ARMC2: variants seen among roughly 807,000 people sequenced by gnomAD.
The protein encoded by ARMC2 is armadillo repeat containing 2.
In ARMC2, 67 loss-of-function variants were observed where a neutral mutation model predicts 90.3. That is an observed-to-expected ratio of 0.74 (90% CI 0.61 to 0.91). The LOEUF is 0.91. Among genes scored for constraint, ARMC2 ranks in the 40% least tolerant of loss-of-function variants. The pLI is 0.00. For missense variants in ARMC2, 920 were observed against 1,030.9 expected, an observed-to-expected ratio of 0.89 and a Z score of 1.47; for synonymous variants, 393 against 393.0, an observed-to-expected ratio of 1.00 and a Z score of 0.00.
intron 6 of ARMC2, among the ~76,000 whole-genome samples, chr6:108,897,436 T>C (rs1771710346): frequency 6.6e-6 from 1 of 152,182 alleles, no homozygotes. Context: ...TTAGATAGAT[T>C]ATCTGAAACC....
rs578220948 is a variant in ARMC2 at position 108,850,080 on chromosome 6, A to G, written c.-44+1534A>G. ...GAAGGCTCTGGTTCCAGTGGCTATTAGCAGCAACGATAAAGACAGGTCTTT... is the reference window on the plus strand; with the variant it reads ...GAAGGCTCTGGTTCCAGTGGCTATTGGCAGCAACGATAAAGACAGGTCTTT... On this transcript the variant is annotated intron_variant, in intron 1 of 17. Transcript: ENST00000392644. Among the ~76,000 whole-genome samples, 5 of 152,380 alleles carry G rather than the reference A, an allele frequency of 3.3e-5. No individual in the cohort carries two copies. In the East Asian group the frequency reaches 9.6e-4, roughly 29 times the overall value.
chr6:108,933,078 G>T (rs1170686828), intron 11 of ARMC2, among the ~76,000 whole-genome samples: 1 of 148,780 alleles, frequency 6.7e-6, no homozygotes, highest in Non-Finnish European at 1.5e-5. Context: ...TTTTAAAATA[G>T]TTTTTTTTTT....
chr6:109,028,583 TA>T, the ARMC2 span, among the ~76,000 whole-genome samples: 4 of 151,816 alleles, frequency 2.6e-5, no homozygotes, highest in Non-Finnish European at 5.9e-5. Flanking sequence ...CGGGCAATAC[TA>T]GGGGGTAAGA....
In ARMC2 at chr6:108,882,738, A is replaced by G. The variant is rs889953255; in HGVS notation, c.671+6388A>G. Among the ~76,000 whole-genome samples the G allele has an allele frequency of 5.3e-5, 8 of 152,326 alleles. 1 individual carries two copies. The highest frequency in any genetic ancestry group is 1.9e-4 in the African/African-American group (8 of 41,580). ...AATGAAACTTGTTTTCCTGAAGAAG[A>G]TAATTATCTTCCTTCACTTCCTCTG... On this transcript the variant is annotated intron_variant, in intron 5 of 17. Coordinates refer to ENST00000392644, the MANE Select transcript of ARMC2 (RefSeq NM_032131.6).
chr6:108,905,013 T>G (rs979683209), intron 8 of ARMC2, among the ~76,000 whole-genome samples: 23 of 152,128 alleles, frequency 1.5e-4, no homozygotes, highest in African/African-American at 5.6e-4. Flanking sequence ...CAAAATGATA[T>G]CACTGTTTGA....
chr6:108,887,662 G>C (rs112669490), intron 5 of ARMC2, among the ~76,000 whole-genome samples: 2 of 152,138 alleles, frequency 1.3e-5, no homozygotes, highest in African/African-American at 4.8e-5. Flanking sequence ...TTAGGTTTTT[G>C]TTATTTGTCG....
chr6:109,021,368 T>C, the ARMC2 span, among the ~76,000 whole-genome samples: 1 of 152,168 alleles, frequency 6.6e-6, no homozygotes, highest in East Asian at 1.9e-4. Context: ...TTTCCCCCAA[T>C]ATTTCATTGT....
the ARMC2 span, chr6:108,990,746 A>C: frequency 6.2e-7 from 1 of 1,614,128 alleles, no homozygotes; most frequent in African/African-American, 1.3e-5. Flanking sequence ...TAAGATTGTA[A>C]GCAATGTGAA....
chr6:108,851,197 G>A (rs952469652), intron 1 of ARMC2, among the ~76,000 whole-genome samples: 5 of 152,022 alleles, frequency 3.3e-5, no homozygotes, highest in Admixed American at 6.6e-5. Flanking sequence ...GATGCTCTGC[G>A]CTGGCTCACT....
the ARMC2 span, among the ~76,000 whole-genome samples, chr6:109,022,133 A>G: frequency 2.0e-5 from 3 of 151,260 alleles, no homozygotes; most frequent in Non-Finnish European, 4.4e-5. Flanking sequence ...TTAATTTCCT[A>G]TAGAGATGCA....
At chr6:108,849,150 T>G (rs920463372) in intron 1 of ARMC2, among the ~76,000 whole-genome samples, 1 of 152,236 alleles carries the variant, frequency 6.6e-6, no homozygotes, top group Non-Finnish European at 1.5e-5. Flanking sequence ...TAACATACTT[T>G]AAAATCATGG....
chr6:108,991,206 T>A, the ARMC2 span, among the ~76,000 whole-genome samples: 1 of 151,798 alleles, frequency 6.6e-6, no homozygotes, highest in Non-Finnish European at 1.5e-5. Flanking sequence ...GCTGCAGCCA[T>A]TCAAGTGGTC....
At chr6:108,883,282 T>A (rs1481751803) in intron 5 of ARMC2, among the ~76,000 whole-genome samples, 1 of 152,208 alleles carries the variant, frequency 6.6e-6, no homozygotes, top group Non-Finnish European at 1.5e-5. Context: ...ACTTTCAATA[T>A]GAATGAACTG....
chr6:108,952,107 AC>A (rs1777234195), intron 12 of ARMC2, among the ~76,000 whole-genome samples: 1 of 152,216 alleles, frequency 6.6e-6, no homozygotes, highest in Non-Finnish European at 1.5e-5. Flanking sequence ...TAGATATAAT[AC>A]CATCCAGGCC....
In ARMC2 at chr6:108,912,361, G is replaced by A. The variant is rs1001036823; in HGVS notation, c.1153G>A (p.Glu385Lys). The A allele has an allele frequency of 3.1e-6, 5 of 1,609,746 alleles. No individual in the cohort carries two copies. In the African/African-American group the frequency reaches 4.0e-5, roughly 13 times the overall value. The change falls in exon 10 of 18, where the codon GAA becomes AAA. Residue 385 changes from glutamate to lysine, a missense_variant. Physicochemically the swap from Glu to Lys is moderately conservative, Grantham distance 56. Coordinates refer to ENST00000392644, the MANE Select transcript of ARMC2 (RefSeq NM_032131.6). ...LESLLEVLRS[E>K]DLQTNMEAFL... ...ATCATTATTGGAGGTACTAAGAAGTGAAGACCTGCAAACTAACATGGAAGC... is the reference window on the plus strand; with the variant it reads ...ATCATTATTGGAGGTACTAAGAAGTAAAGACCTGCAAACTAACATGGAAGC...
the ARMC2 span, among the ~76,000 whole-genome samples, chr6:109,028,491 T>C: frequency 2.0e-5 from 3 of 152,204 alleles, no homozygotes; most frequent in African/African-American, 7.2e-5. Flanking sequence ...AATTAAGTAC[T>C]GTCTGATGAG....
chr6:108,892,389 A>G (rs1326408225), intron 5 of ARMC2, among the ~76,000 whole-genome samples: 2 of 152,142 alleles, frequency 1.3e-5, no homozygotes, highest in Non-Finnish European at 2.9e-5. Context: ...CTGAATATTA[A>G]TTAGACAATT....
chr6:108,950,690 G>A (rs1451680275), intron 12 of ARMC2, among the ~76,000 whole-genome samples: 3 of 152,130 alleles, frequency 2.0e-5, no homozygotes, highest in East Asian at 3.9e-4. Flanking sequence ...CTTAGTACCT[G>A]GGTGACGAAA....
chr6:109,009,106 T>A, the ARMC2 span: 1 of 736,812 alleles, frequency 1.4e-6, no homozygotes, highest in Non-Finnish European at 1.9e-6. Flanking sequence ...TCTCCCAGCT[T>A]AGCATTTTCT....
Sources: gnomAD v4.1 joint callset for allele counts (sites outside exome capture counted in the v4.1 genomes callset) on GRCh38, gnomAD v4.1.1 for gene constraint, MANE v1.5 for transcripts, NCBI Gene and HGNC (gene_info 2026-07-23, HGNC 2026-07-21) for gene names.